OTC: variants seen among roughly 807,000 people sequenced by gnomAD.
OTC encodes ornithine transcarbamylase, mitochondrial.
In OTC, 3 loss-of-function variants were observed where a neutral mutation model predicts 30.3. That is an observed-to-expected ratio of 0.10 (90% confidence interval 0.05 to 0.26). The LOEUF is 0.26. Ranked by LOEUF, OTC falls within the 10% of genes least tolerant of loss-of-function variation. The probability of loss-of-function intolerance (pLI) is 1.00; values close to 1 mark genes in which losing one functional copy is unlikely to be tolerated. For synonymous variants in OTC, 111 were observed against 99.7 expected, an observed-to-expected ratio of 1.11 and a Z score of -0.67; for missense variants, 194 against 260.3, an observed-to-expected ratio of 0.75 and a Z score of 1.75.
intron 9 of OTC, among the ~76,000 whole-genome samples, chrX:38,417,554 A>G (rs1216423786): frequency 8.9e-6 from 1 of 111,842 alleles, no homozygotes; most frequent in Non-Finnish European, 1.9e-5. Context: ...TCTGTATTTT[A>G]CATCTCTTAC....
the OTC span, among the ~76,000 whole-genome samples, chrX:38,343,522 T>C: frequency 8.9e-5 from 10 of 112,093 alleles, no homozygotes; most frequent in East Asian, 2.0e-3. Context: ...CAAGGTTGGG[T>C]CATTAACCAT....
intron 4 of OTC, among the ~76,000 whole-genome samples, chrX:38,387,791 G>T (rs1254264068): frequency 8.9e-6 from 1 of 112,047 alleles, no homozygotes; most frequent in Non-Finnish European, 1.9e-5. Context: ...TGTCACACAG[G>T]ATGTGCTTAA....
intron 4 of OTC, among the ~76,000 whole-genome samples, chrX:38,388,016 C>A (rs2147334171): frequency 8.9e-6 from 1 of 112,038 alleles, no homozygotes; most frequent in African/African-American, 3.2e-5. Context: ...TAGATGCTAG[C>A]CAAGGGTCAG....
At chrX:38,392,809 CT>C (rs891864309) in intron 4 of OTC, among the ~76,000 whole-genome samples, 1 of 112,276 alleles carries the variant, frequency 8.9e-6, no homozygotes, top group African/African-American at 3.2e-5. Context: ...CTTTGTCACG[CT>C]CCCTTTTGCC....
At chrX:38,357,425 T>C (rs1602010728) in intron 1 of OTC, among the ~76,000 whole-genome samples, 1 of 112,851 alleles carries the variant, frequency 8.9e-6, no homozygotes, top group South Asian at 3.6e-4. Context: ...TAAAGAAACA[T>C]AAAAATCTCA....
intron 4 of OTC, among the ~76,000 whole-genome samples, chrX:38,396,328 CAT>C (rs1411002161): frequency 9.0e-6 from 1 of 111,357 alleles, no homozygotes; most frequent in Non-Finnish European, 1.9e-5. Flanking sequence ...TCTGGCAGCA[CAT>C]GACTCATTGC....
At chrX:38,366,301 T>C (rs1010626691) in intron 1 of OTC, among the ~76,000 whole-genome samples, 1 of 111,631 alleles carries the variant, frequency 9.0e-6, no homozygotes, top group African/African-American at 3.3e-5. Context: ...CTATTATTAT[T>C]ATTATATTTT....
the OTC span, among the ~76,000 whole-genome samples, chrX:38,339,954 T>A: frequency 1.8e-5 from 2 of 111,737 alleles, no homozygotes; most frequent in Non-Finnish European, 3.8e-5. Context: ...GAAAGCACAA[T>A]CAAAAAAGCA....
chrX:38,379,163 A>T (rs897611676), intron 3 of OTC, among the ~76,000 whole-genome samples: 2 of 111,422 alleles, frequency 1.8e-5, no homozygotes, highest in African/African-American at 6.5e-5. Context: ...AGCACATAAG[A>T]TTTGCAAGGG....
intron 4 of OTC, among the ~76,000 whole-genome samples, chrX:38,397,484 A>G (rs7055511): frequency 0.18 from 20,352 of 111,547 alleles, 1,592 homozygotes; most frequent in Middle Eastern, 0.27. Flanking sequence ...GAACAATATT[A>G]GAGACAAAAA....
At chrX:38,364,435 A>C (rs1377551927) in intron 1 of OTC, among the ~76,000 whole-genome samples, 1 of 112,085 alleles carries the variant, frequency 8.9e-6, no homozygotes, top group Non-Finnish European at 1.9e-5. Flanking sequence ...TTTTGTTTCT[A>C]CATATAAGCT....
upstream of OTC, among the ~76,000 whole-genome samples, chrX:38,348,926 C>T (rs2068201931): frequency 9.0e-6 from 1 of 111,506 alleles, no homozygotes; most frequent in African/African-American, 3.3e-5. Flanking sequence ...TACCAGCATA[C>T]CACTATTTAC....
chrX:38,382,368 A>G (rs772868496), intron 4 of OTC, among the ~76,000 whole-genome samples: 19 of 112,521 alleles, frequency 1.7e-4, no homozygotes, highest in African/African-American at 6.1e-4. Flanking sequence ...TTTGCCCTCA[A>G]AAGAGAAGAC....
the OTC span, among the ~76,000 whole-genome samples, chrX:38,341,840 G>A: frequency 3.6e-5 from 4 of 110,493 alleles, no homozygotes; most frequent in Non-Finnish European, 7.6e-5. Context: ...TAGGCAAAAA[G>A]AGAAAAGAAG....
chrX:38,380,970 C>A (rs908865620), intron 3 of OTC, among the ~76,000 whole-genome samples: 2 of 111,960 alleles, frequency 1.8e-5, no homozygotes, highest in African/African-American at 6.5e-5. Context: ...CTCAGGAGAT[C>A]CACCTGCCTC....
At chrX:38,387,491 G>A (rs748339849) in intron 4 of OTC, among the ~76,000 whole-genome samples, 9 of 111,722 alleles carry the variant, frequency 8.1e-5, no homozygotes, top group Non-Finnish European at 1.7e-4. Flanking sequence ...CTGAAATCTC[G>A]TTAGCTTGGT....
At chrX:38,408,639 GA>G in intron 6 of OTC, 102 bp from the exon 7 acceptor site, 2 of 564,628 alleles carry the variant, frequency 3.5e-6, no homozygotes, top group Non-Finnish European at 5.9e-6. Flanking sequence ...ACCACATCTT[GA>G]AAAAGGGAAG....
At chrX:38,358,620 ATTTTT>A (rs1194488054) in intron 1 of OTC, among the ~76,000 whole-genome samples, 1 of 88,333 alleles carries the variant, frequency 1.1e-5, no homozygotes, top group African/African-American at 4.2e-5. Context: ...CTGTGGTGGA[ATTTTT>A]TTTTTTTTTT....
At chrX:38,362,816 A>G (rs2068278501) in intron 1 of OTC, among the ~76,000 whole-genome samples, 1 of 112,248 alleles carries the variant, frequency 8.9e-6, no homozygotes, top group Non-Finnish European at 1.9e-5. Context: ...CTTTTGGAGT[A>G]GTAAAAGGTA....
Sources: allele counts gnomAD v4.1 joint callset (sites outside exome capture counted in the v4.1 genomes callset), GRCh38; gene constraint gnomAD v4.1.1; transcripts MANE v1.5; gene names NCBI Gene and HGNC (gene_info 2026-07-23, HGNC 2026-07-21).